UNC5C: variants seen among roughly 807,000 people sequenced by gnomAD.
UNC5C encodes the protein unc-5 netrin receptor C.
A neutral mutation model predicts 99.8 loss-of-function variants in UNC5C; 47 were observed. The ratio of observed to expected loss-of-function variants is 0.47; its 90% CI spans 0.37 to 0.60. The LOEUF (loss-of-function observed/expected upper bound fraction) is 0.60, where lower values mean the gene tolerates loss of function less well. Ranked by LOEUF, UNC5C falls within the 20% of genes least tolerant of loss-of-function variation. The pLI, the probability that UNC5C is intolerant of heterozygous loss-of-function variation, is 0.00. For synonymous variants in UNC5C, 487 were observed against 452.2 expected, an observed-to-expected ratio of 1.08 and a Z score of -0.98; for missense variants, 1,062 against 1,165.9, an observed-to-expected ratio of 0.91 and a Z score of 1.30.
intron 1 of UNC5C, among the ~76,000 whole-genome samples, chr4:95,421,305 C>T (rs1746311125): frequency 6.6e-6 from 1 of 152,118 alleles, no homozygotes; most frequent in Middle Eastern, 3.2e-3. Context: ...TGCAGACAGA[C>T]AGCATAAGAG....
chr4:95,195,509 T>G (rs1322625206), intron 12 of UNC5C, among the ~76,000 whole-genome samples: 1 of 152,170 alleles, frequency 6.6e-6, no homozygotes, highest in Non-Finnish European at 1.5e-5. Flanking sequence ...GTATGGATAC[T>G]AGGATAATTC....
chr4:95,474,938 T>C (rs1300773374), intron 1 of UNC5C, among the ~76,000 whole-genome samples: 1 of 152,122 alleles, frequency 6.6e-6, no homozygotes, highest in Non-Finnish European at 1.5e-5. Flanking sequence ...ACTTTTTATG[T>C]TCACTTTACA....
At chr4:95,385,112 T>C (rs1397913089) in intron 1 of UNC5C, among the ~76,000 whole-genome samples, 1 of 152,180 alleles carries the variant, frequency 6.6e-6, no homozygotes, top group Non-Finnish European at 1.5e-5. Flanking sequence ...AGAACAATTA[T>C]GGGCACCCTG....
At chr4:95,541,531 G>A (rs949975895) in intron 1 of UNC5C, among the ~76,000 whole-genome samples, 1 of 152,082 alleles carries the variant, frequency 6.6e-6, no homozygotes, top group African/African-American at 2.4e-5. Flanking sequence ...CCATTAGATT[G>A]CACTAAACTT....
chr4:95,444,608 G>C (rs1169854568), intron 1 of UNC5C, among the ~76,000 whole-genome samples: 1 of 152,178 alleles, frequency 6.6e-6, no homozygotes, highest in Non-Finnish European at 1.5e-5. Flanking sequence ...TGGGATTACA[G>C]GCGTGAGGCA....
At chr4:95,429,567 A>G (rs916470143) in intron 1 of UNC5C, among the ~76,000 whole-genome samples, 1 of 152,262 alleles carries the variant, frequency 6.6e-6, no homozygotes, top group Admixed American at 6.5e-5. Flanking sequence ...AAGAAAAAAA[A>G]TTATTCTTCC....
rs1393167600 is a variant in UNC5C, at chr4:95,169,194, TG to T, written c.*39del. 15 of 1,609,054 alleles carry T rather than the reference TG, an allele frequency of 9.3e-6. No homozygotes were observed. Among genetic ancestry groups the T allele is most frequent in the Non-Finnish European group, 1.2e-5 (14 of 1,176,274 alleles). ...TTCACCTGGACGGCCACAGACTCCCTGTGCATTTTTGTCCTTCATTTCCCCT... is the reference window on the plus strand; with the variant it reads ...TTCACCTGGACGGCCACAGACTCCCTTGCATTTTTGTCCTTCATTTCCCCT... On this transcript the variant is annotated 3_prime_UTR_variant, in exon 16 of 16. Transcript: ENST00000453304.
intron 3 of UNC5C, among the ~76,000 whole-genome samples, chr4:95,300,392 C>A (rs953868909): frequency 5.3e-5 from 8 of 152,016 alleles, no homozygotes; most frequent in African/African-American, 1.9e-4. Context: ...TTATGGAAGC[C>A]TTTTTTGCAA....
At chr4:95,362,553 AT>A (rs937819851) in intron 1 of UNC5C, among the ~76,000 whole-genome samples, 6 of 152,062 alleles carry the variant, frequency 3.9e-5, no homozygotes, top group African/African-American at 1.4e-4. Context: ...TAATTCTGGG[AT>A]TTTCTGTTAC....
At chr4:95,310,896 A>T (rs1742252550) in intron 2 of UNC5C, among the ~76,000 whole-genome samples, 1 of 152,186 alleles carries the variant, frequency 6.6e-6, no homozygotes, top group Non-Finnish European at 1.5e-5. Context: ...TTTTAATTAT[A>T]AGACAATATT....
intron 1 of UNC5C, among the ~76,000 whole-genome samples, chr4:95,463,364 A>G (rs1488633589): frequency 6.6e-6 from 1 of 152,152 alleles, no homozygotes; most frequent in East Asian, 1.9e-4. Context: ...GGAAGATGCC[A>G]GGCTCTCCTG....
chr4:95,506,102 A>C (rs2149485807), intron 1 of UNC5C, among the ~76,000 whole-genome samples: 1 of 152,132 alleles, frequency 6.6e-6, no homozygotes, highest in South Asian at 2.1e-4. Flanking sequence ...TCATTATGAA[A>C]TCTCAATTTT....
intron 1 of UNC5C, among the ~76,000 whole-genome samples, chr4:95,366,281 T>C (rs1374349972): frequency 6.6e-6 from 1 of 152,188 alleles, no homozygotes; most frequent in Non-Finnish European, 1.5e-5. Context: ...CTGGGCAATG[T>C]AGTGAGACCT....
At chr4:95,189,430 C>T (rs1736974723) in intron 12 of UNC5C, among the ~76,000 whole-genome samples, 1 of 152,308 alleles carries the variant, frequency 6.6e-6, no homozygotes, top group Middle Eastern at 3.4e-3. Context: ...GGACTACAGG[C>T]TCATGCCACT....
chr4:95,243,172 T>C (rs1739386622), intron 6 of UNC5C, among the ~76,000 whole-genome samples: 1 of 152,210 alleles, frequency 6.6e-6, no homozygotes, highest in South Asian at 2.1e-4. Context: ...CTGAAACCTG[T>C]AATGTTTTCA....
chr4:95,281,089 A>G (rs1022120590), intron 3 of UNC5C, among the ~76,000 whole-genome samples: 2 of 152,216 alleles, frequency 1.3e-5, no homozygotes, highest in Admixed American at 6.5e-5. Context: ...TTGTTTGTAA[A>G]AAATGATTCT....
At chr4:95,177,251 C>T (rs1201740118) in intron 14 of UNC5C, among the ~76,000 whole-genome samples, 4 of 152,190 alleles carry the variant, frequency 2.6e-5, no homozygotes, top group Admixed American at 2.6e-4. Context: ...TCCTATTCGG[C>T]TGTCTCTCTC....
At chr4:95,243,139 T>C (rs902546948) in intron 6 of UNC5C, among the ~76,000 whole-genome samples, 11 of 152,214 alleles carry the variant, frequency 7.2e-5, no homozygotes, top group South Asian at 2.1e-4. Context: ...TTTTACTTTT[T>C]TCATCTGGCC....
At chr4:95,492,672 C>T (rs563491492) in intron 1 of UNC5C, among the ~76,000 whole-genome samples, 97 of 151,558 alleles carry the variant, frequency 6.4e-4, no homozygotes, top group Non-Finnish European at 1.2e-3. Flanking sequence ...TTGACTTCAC[C>T]TTTAATGGAG....
Sources: allele counts gnomAD v4.1 joint callset (sites outside exome capture counted in the v4.1 genomes callset), GRCh38; gene constraint gnomAD v4.1.1; transcripts MANE v1.5; gene names NCBI Gene and HGNC (gene_info 2026-07-23, HGNC 2026-07-21).